The following ANXA6 variants were observed in gnomAD, a reference collection of about 807,000 sequenced individuals.
The protein encoded by ANXA6 is annexin A6.
A neutral mutation model predicts 95.4 loss-of-function variants in ANXA6; 71 were observed. That is an observed-to-expected ratio of 0.74 (90% confidence interval 0.61 to 0.91). The LOEUF is 0.91. ANXA6 is among the 40% of genes least tolerant of loss of function. The pLI, the probability that ANXA6 is intolerant of heterozygous loss-of-function variation, is 0.00. For synonymous variants in ANXA6, 289 were observed against 315.9 expected (o/e 0.91, Z 0.90); for missense variants, 830 against 876.4 (o/e 0.95, Z 0.67).
At chr5:151,137,412 A>G in intron 5 of ANXA6, 91 bp from the exon 6 acceptor site, 1 of 976,046 alleles carries the variant, frequency 1.0e-6, no homozygotes. Context: ...GAGCTATGAC[A>G]CCCCAGGACT....
chr5:151,131,447 C>T (rs942632912), intron 10 of ANXA6, among the ~76,000 whole-genome samples, 158 bp from the exon 11 acceptor site: 3 of 152,132 alleles, frequency 2.0e-5, no homozygotes, highest in Non-Finnish European at 2.9e-5. Context: ...TCACCCCAGA[C>T]CAACCCACTT....
At chr5:151,121,413 C>A (rs1765163997) in intron 17 of ANXA6, among the ~76,000 whole-genome samples, 1 of 152,190 alleles carries the variant, frequency 6.6e-6, no homozygotes, top group Non-Finnish European at 1.5e-5. Context: ...GCCATTAGTA[C>A]AATTGGTACC....
rs907897647 is a variant in ANXA6 at position 151,126,522 on chromosome 5, A to G, written c.978-42T>C. 7.4e-6 allele frequency: 11 copies of G among 1,488,310 alleles called. No individual in the cohort carries two copies. The Admixed American group carries it at 7.6e-5, about 10-fold the overall frequency. 92.2% of individuals were successfully genotyped at this position (1,488,310 alleles called of 1,614,324 possible). ...TAGGGAGAGGACAGGAAGGAATGTC[A>G]TCATGGGCAACACTCACACCAACAC... On this transcript the variant is annotated intron_variant, in intron 13 of 25. Transcript: ENST00000354546.
chr5:151,124,319 C>T lies in ANXA6; in HGVS notation c.1105G>A (p.Ala369Thr), dbSNP rs1403823190. 3 of 1,613,460 alleles carry T rather than the reference C, an allele frequency of 1.9e-6. No individual in the cohort carries two copies. Among genetic ancestry groups the T allele is most frequent in the Non-Finnish European group, 2.5e-6 (3 of 1,179,804 alleles). The change falls in exon 15 of 26, where the codon GCC (alanine) becomes ACC (threonine). Residue 369 changes from alanine (A) to threonine (T), a missense_variant. Coordinates refer to ENST00000354546, the MANE Select transcript of ANXA6 (RefSeq NM_001155.5). ...PANDFNPDAD[A>T]KALRKAMKGL... ...TTCATGGCTTTCCGCAGCGCTTTGGCATCTGCGTCAGGGTTGAAGTCATTG... is the reference window on the plus strand; with the variant it reads ...TTCATGGCTTTCCGCAGCGCTTTGGTATCTGCGTCAGGGTTGAAGTCATTG...
At chr5:151,101,936 C>A (rs539295641) in intron 25 of ANXA6, among the ~76,000 whole-genome samples, 331 of 152,358 alleles carry the variant, frequency 2.2e-3, no homozygotes, top group African/African-American at 7.8e-3. Flanking sequence ...ACTCTGGCCT[C>A]CCTTGGTTCC....
chr5:151,142,491 A>G (rs956892336), intron 2 of ANXA6, among the ~76,000 whole-genome samples: 1 of 152,084 alleles, frequency 6.6e-6, no homozygotes, highest in African/African-American at 2.4e-5. Flanking sequence ...CAAAAAAAAA[A>G]AAAGGAAACA....
intron 7 of ANXA6, 25 bp downstream of exon 7, chr5:151,136,231 G>A (rs754231864): frequency 6.2e-7 from 1 of 1,612,324 alleles, no homozygotes; most frequent in Non-Finnish European, 8.5e-7. Flanking sequence ...AAGCTCCAGA[G>A]GAAAAAAATA....
chr5:151,136,195 C>A, intron 7 of ANXA6, 61 bp downstream of exon 7: 2 of 1,534,638 alleles, frequency 1.3e-6, no homozygotes, highest in Non-Finnish European at 1.8e-6. Flanking sequence ...GATCTACACC[C>A]AGATGAGCCA....
At chr5:151,131,407 C>T (rs970465842) in intron 10 of ANXA6, 118 bp from the exon 11 acceptor site, 18 of 1,034,164 alleles carry the variant, frequency 1.7e-5, no homozygotes, top group Admixed American at 8.9e-5. Flanking sequence ...ACAGGAAGAA[C>T]CACCGTTCCT....
intron 1 of ANXA6, among the ~76,000 whole-genome samples, chr5:151,150,280 G>A (rs1364426631): frequency 6.6e-6 from 1 of 152,146 alleles, no homozygotes; most frequent in Non-Finnish European, 1.5e-5. Flanking sequence ...GAAAATCTTA[G>A]CCATGTGACC....
chr5:151,110,569 G>C, intron 21 of ANXA6, 58 bp downstream of exon 21: 1 of 1,595,474 alleles, frequency 6.3e-7, no homozygotes, highest in Non-Finnish European at 8.6e-7. Flanking sequence ...GCTCGGCCCA[G>C]TAAAGGCGGA....
intron 10 of ANXA6, 74 bp downstream of exon 10, chr5:151,132,402 T>G: frequency 8.7e-7 from 1 of 1,148,020 alleles, no homozygotes; most frequent in Non-Finnish European, 1.3e-6. Context: ...CCCCTTTCCA[T>G]TCTCAGCCCC....
At chr5:151,133,531 C>T (rs1041299312) in intron 8 of ANXA6, among the ~76,000 whole-genome samples, 5 of 152,180 alleles carry the variant, frequency 3.3e-5, no homozygotes, top group Non-Finnish European at 7.3e-5. Flanking sequence ...GCAACTGCAA[C>T]ACAATGGCAA....
chr5:151,134,226 A>G (rs1473199926), intron 8 of ANXA6, among the ~76,000 whole-genome samples: 1 of 152,234 alleles, frequency 6.6e-6, no homozygotes, highest in Admixed American at 6.5e-5. Flanking sequence ...CAATATACCA[A>G]TATTACATAT....
At chr5:151,138,886 T>G in intron 4 of ANXA6, 95 bp from the exon 5 acceptor site, 2 of 854,348 alleles carry the variant, frequency 2.3e-6, no homozygotes, top group Non-Finnish European at 3.9e-6. Flanking sequence ...CTCTGGCAGG[T>G]GCTGGGCTAA....
chr5:151,143,491 CCATT>C, intron 2 of ANXA6, among the ~76,000 whole-genome samples: 1 of 152,270 alleles, frequency 6.6e-6, no homozygotes, highest in East Asian at 1.9e-4. Flanking sequence ...GGCTACCCTA[CCATT>C]CATTCATTCA....
At chr5:151,141,625 C>T (rs910461567) in intron 2 of ANXA6, 20 of 985,308 alleles carry the variant, frequency 2.0e-5, no homozygotes, top group Admixed American at 6.1e-5. Flanking sequence ...TGCAGGACCC[C>T]GGCCAGGCCT....
chr5:151,148,420 A>G (rs1766023736), intron 1 of ANXA6, among the ~76,000 whole-genome samples: 2 of 152,194 alleles, frequency 1.3e-5, no homozygotes, highest in African/African-American at 4.8e-5. Context: ...GTCAACAAGG[A>G]TGGCTTCAGA....
At chr5:151,116,572 T>G (rs1306503939) in intron 20 of ANXA6, among the ~76,000 whole-genome samples, 3 of 152,240 alleles carry the variant, frequency 2.0e-5, no homozygotes, top group Non-Finnish European at 1.5e-5. Flanking sequence ...CCCTTTTCCC[T>G]GCTATTCATT....
Sources: gnomAD v4.1 joint callset for allele counts (sites outside exome capture counted in the v4.1 genomes callset) on GRCh38, gnomAD v4.1.1 for gene constraint, MANE v1.5 for transcripts, NCBI Gene and HGNC (gene_info 2026-07-23, HGNC 2026-07-21) for gene names.